Variants in CORIN observed in about 807,000 individuals in gnomAD.
CORIN encodes corin, serine peptidase, also known as atrial natriuretic peptide-converting enzyme.
In CORIN, 117 loss-of-function variants were observed where a neutral mutation model predicts 125.3. The observed-to-expected ratio is 0.93, with a 90% CI of 0.80 to 1.09. The LOEUF (loss-of-function observed/expected upper bound fraction) is 1.09. Ranked by LOEUF, CORIN falls within the 50% of genes least tolerant of loss-of-function variation. CORIN has a pLI of 0.00. For synonymous variants in CORIN, 450 were observed against 466.4 expected (o/e 0.96, Z 0.45); for missense variants, 1,253 against 1,306.7 (o/e 0.96, Z 0.63).
Position 47,665,028 on chromosome 4 carries a change from T to C in CORIN, c.1589+4A>G. The C allele has an allele frequency of 6.3e-7, 1 of 1,587,692 alleles. No individual in the cohort carries two copies. Among genetic ancestry groups the C allele is most frequent in the Non-Finnish European group, 8.6e-7 (1 of 1,156,246 alleles). On this transcript the variant is annotated splice_donor_region_variant and intron_variant, in intron 11 of 21. Coordinates refer to ENST00000273857, the MANE Select transcript of CORIN (RefSeq NM_006587.4). Reference sequence around the variant, plus strand: ...AGGGACTGGGGTAGATCCCATCATATTACCTGCAAGGAGGGATATGCTCGC... The same window carrying C: ...AGGGACTGGGGTAGATCCCATCATACTACCTGCAAGGAGGGATATGCTCGC...
chr4:47,763,537 G>A lies in CORIN; in HGVS notation c.459C>T (p.His153=), dbSNP rs149515261. 95 of 1,614,060 alleles carry A rather than the reference G, an allele frequency of 5.9e-5. No homozygotes were observed. Among genetic ancestry groups the A allele is most frequent in the African/African-American group, 1.3e-4 (10 of 74,924 alleles). ...CTGAGAGGAGAGGTGTCAGCGTGGC[G>A]TGGTAGGGCAGCATCTGACACTGGC... ...THSQCQMLPY[H]ATLTPLLSVV... is the part of the protein sequence containing the mutation. Residue 153 remains histidine (H), a synonymous_variant, in exon 4 of 22, where the codon CAC becomes CAT. Coordinates refer to ENST00000273857, the MANE Select transcript of CORIN (RefSeq NM_006587.4).
chr4:47,693,191 T>A, intron 5 of CORIN, 108 bp from the exon 6 acceptor site: 1 of 737,404 alleles, frequency 1.4e-6, no homozygotes, highest in East Asian at 2.7e-5. Flanking sequence ...TCAACAGATT[T>A]GTTTCCAAAT....
intron 14 of CORIN, among the ~76,000 whole-genome samples, chr4:47,643,612 TTAGA>T (rs1162753650): frequency 6.6e-6 from 1 of 152,186 alleles, no homozygotes; most frequent in Admixed American, 6.5e-5. Flanking sequence ...TGAAGCCGCC[TTAGA>T]TAGAAAACAA....
Position 47,786,930 on chromosome 4 carries a change from A to C in CORIN, c.209-5T>G, listed in dbSNP as rs774662505. On this transcript the variant is annotated splice_region_variant and splice_polypyrimidine_tract_variant and intron_variant, in intron 2 of 21. Transcript: ENST00000273857. ...AATAGACCTTTTGTAATGTTCCTGA[A>C]AGACAAAAACAAACACAAAAAAAAC... 47 of 1,597,204 alleles carry C rather than the reference A, an allele frequency of 2.9e-5. No homozygotes were observed. Among genetic ancestry groups the C allele is most frequent in the Non-Finnish European group, 3.8e-5 (45 of 1,169,654 alleles).
At chr4:47,787,996 T>C (rs1036433293) in intron 2 of CORIN, among the ~76,000 whole-genome samples, 3 of 152,246 alleles carry the variant, frequency 2.0e-5, no homozygotes, top group Non-Finnish European at 2.9e-5. Flanking sequence ...GAAAACCACC[T>C]TGCTTTGTCT....
chr4:47,820,036 G>A (rs540174393), intron 1 of CORIN, among the ~76,000 whole-genome samples: 47 of 152,220 alleles, frequency 3.1e-4, no homozygotes, highest in African/African-American at 1.1e-3. Context: ...GGAAATGTCC[G>A]GAGTATAAAA....
In CORIN at chr4:47,684,734, T is replaced by C. The variant is rs118137292; in HGVS notation, c.914-896A>G. 1.9e-4 allele frequency among the ~76,000 whole-genome samples: 29 copies of C among 152,290 alleles called. No individual in the cohort carries two copies. In the East Asian group the frequency reaches 5.6e-3, roughly 29 times the overall value. Reference sequence around the variant, plus strand: ...TAATATTTGCAAATTATATGTATGATAAAGAAATTTGGATATCCAGAGTCT... The same window carrying C: ...TAATATTTGCAAATTATATGTATGACAAAGAAATTTGGATATCCAGAGTCT... On this transcript the variant is annotated intron_variant, in intron 6 of 21. Transcript: ENST00000273857.
At chr4:47,829,550 CCAAT>C (rs916809296) in intron 1 of CORIN, among the ~76,000 whole-genome samples, 6 of 152,188 alleles carry the variant, frequency 3.9e-5, no homozygotes, top group South Asian at 2.1e-4. Flanking sequence ...TGATTCATGG[CCAAT>C]CAGTCAGAAG....
chr4:47,643,433 G>T (rs1480698738), intron 14 of CORIN, among the ~76,000 whole-genome samples, 177 bp from the exon 15 acceptor site: 1 of 152,116 alleles, frequency 6.6e-6, no homozygotes. Context: ...TCATTTAATA[G>T]ACATCAATAC....
At chr4:47,726,113 T>C (rs1727583579) in intron 5 of CORIN, among the ~76,000 whole-genome samples, 1 of 152,052 alleles carries the variant, frequency 6.6e-6, no homozygotes, top group African/African-American at 2.4e-5. Flanking sequence ...TACCAAGTAC[T>C]GGTGAAGATG....
chr4:47,821,434 G>A (rs959514325), intron 1 of CORIN, among the ~76,000 whole-genome samples: 1 of 150,384 alleles, frequency 6.6e-6, no homozygotes, highest in African/African-American at 2.4e-5. Flanking sequence ...TACCTTCCCC[G>A]CTTCTTTCCA....
intron 1 of CORIN, among the ~76,000 whole-genome samples, chr4:47,836,002 T>G (rs1260190185): frequency 6.6e-6 from 1 of 152,102 alleles, no homozygotes; most frequent in Non-Finnish European, 1.5e-5. Flanking sequence ...AAGAGTCCCC[T>G]CCCCCTTAAA....
chr4:47,619,551 T>C (rs192954165), intron 19 of CORIN, among the ~76,000 whole-genome samples: 2 of 152,368 alleles, frequency 1.3e-5, no homozygotes, highest in African/African-American at 4.8e-5. Context: ...TTCTTCTGGA[T>C]AGACTAGGCC....
chr4:47,658,707 C>T (rs954965715), intron 12 of CORIN, among the ~76,000 whole-genome samples: 6 of 152,230 alleles, frequency 3.9e-5, no homozygotes, highest in Non-Finnish European at 8.8e-5. Flanking sequence ...CCTGGGAGAT[C>T]TCTGAAATGC....
rs1410250814 is a variant in CORIN at position 47,630,870 on chromosome 4, AT to A, written c.2199-4350del. Among the ~76,000 whole-genome samples, 11 of 152,250 alleles carry A rather than the reference AT, an allele frequency of 7.2e-5. No individual in the cohort carries two copies. In the East Asian group the frequency reaches 2.1e-3, roughly 29 times the overall value. ...AGTTAAGTCTCAGATGGGACCCAAA[AT>A]CTGTCTCTCTACCAAGATCACAGGT... On this transcript the variant is annotated intron_variant, in intron 16 of 21. Coordinates refer to ENST00000273857, the MANE Select transcript of CORIN (RefSeq NM_006587.4).
chr4:47,766,110 T>C (rs1397736791), intron 3 of CORIN, among the ~76,000 whole-genome samples: 1 of 152,230 alleles, frequency 6.6e-6, no homozygotes, highest in Non-Finnish European at 1.5e-5. Flanking sequence ...TGATAATATC[T>C]GACATTTCAG....
intron 19 of CORIN, among the ~76,000 whole-genome samples, chr4:47,623,203 G>T (rs1395025431): frequency 6.6e-6 from 1 of 151,082 alleles, no homozygotes; most frequent in Non-Finnish European, 1.5e-5. Flanking sequence ...CTCACCAGTT[G>T]CGCCTGCATC....
intron 4 of CORIN, among the ~76,000 whole-genome samples, chr4:47,756,434 T>A (rs2109857646): frequency 6.6e-6 from 1 of 152,336 alleles, no homozygotes; most frequent in South Asian, 2.1e-4. Flanking sequence ...TCTTTAATCT[T>A]CAGTGAACAC....
rs192430014 is a variant in CORIN at position 47,625,914 on chromosome 4, C to G, written c.2315+491G>C. ...ATTTATCTTCCTCCTACACCCCACC[C>G]ATAGACAAGGGAAGCAACCCTGTTT... On this transcript the variant is annotated intron_variant, in intron 17 of 21. Coordinates refer to ENST00000273857, the MANE Select transcript of CORIN (RefSeq NM_006587.4). Among the ~76,000 whole-genome samples the G allele has an allele frequency of 3.0e-3, 457 of 152,232 alleles. 2 individuals are homozygous for G. The highest frequency in any genetic ancestry group is 3.6e-3 in the Non-Finnish European group (244 of 68,002).
Sources: allele counts gnomAD v4.1 joint callset (sites outside exome capture counted in the v4.1 genomes callset), GRCh38; gene constraint gnomAD v4.1.1; transcripts MANE v1.5; gene names NCBI Gene and HGNC (gene_info 2026-07-23, HGNC 2026-07-21).